The following PTPRN2 variants were observed in gnomAD, a reference collection of about 807,000 sequenced individuals.
PTPRN2 encodes the protein receptor-type tyrosine-protein phosphatase N2.
Under a neutral mutation model 118.8 loss-of-function variants are expected in PTPRN2, and 74 were observed. That is an observed-to-expected ratio of 0.62 (90% CI 0.52 to 0.76). The LOEUF is 0.76. Among genes scored for constraint, PTPRN2 ranks in the 30% least tolerant of loss-of-function variants. The pLI, the probability that PTPRN2 is intolerant of heterozygous loss-of-function variation, is 0.00. For missense variants in PTPRN2, 1,481 were observed against 1,394.4 expected (o/e 1.06, Z -0.99); for synonymous variants, 641 against 608.0 (o/e 1.05, Z -0.80).
intron 12 of PTPRN2, among the ~76,000 whole-genome samples, chr7:157,756,056 G>A (rs1255221551): frequency 6.6e-6 from 1 of 152,156 alleles, no homozygotes; most frequent in Non-Finnish European, 1.5e-5. Flanking sequence ...GGTAGGATTT[G>A]TACCACTGCA....
At chr7:157,912,184 C>T (rs1472142668) in intron 11 of PTPRN2, among the ~76,000 whole-genome samples, 1 of 152,196 alleles carries the variant, frequency 6.6e-6, no homozygotes, top group Non-Finnish European at 1.5e-5. Flanking sequence ...GCTCCGTGTG[C>T]TCATTGGTTT....
intron 10 of PTPRN2, among the ~76,000 whole-genome samples, chr7:158,089,569 CCT>C (rs1178564929): frequency 8.0e-6 from 1 of 125,724 alleles, no homozygotes; most frequent in African/African-American, 3.1e-5. Flanking sequence ...ACCTTCTTCC[CCT>C]GATGAAAGAG....
Position 158,175,969 on chromosome 7 carries a change from G to A in PTPRN2, c.550-8678C>T, listed in dbSNP as rs139764221. On this transcript the variant is annotated intron_variant, in intron 5 of 22. Transcript: ENST00000389418. ...GTGAGGCCAGTGCTGATCTCACCCC[G>A]CCCTGCTGAGACTCACGACATCGTG... Among the ~76,000 whole-genome samples, 625 of 149,054 alleles carry A rather than the reference G, an allele frequency of 4.2e-3. 4 individuals carry two copies. Among genetic ancestry groups the A allele is most frequent in the African/African-American group, 0.012 (493 of 40,538 alleles).
In PTPRN2 at chr7:157,861,358, G is replaced by A. The variant is rs548093044; in HGVS notation, c.1788+37315C>T. On this transcript the variant is annotated intron_variant, in intron 12 of 22. Coordinates refer to ENST00000389418, the MANE Select transcript of PTPRN2 (RefSeq NM_002847.5). This position sits in a 1 kb window ranked among gnomAD's most constrained non-coding sequence, Gnocchi z 5.8. ...CGGCTGGAGCTCGGCCAAGGAGCCC[G>A]GGTCCCTTCAGTCTGCGCTCCCTGC... 3.9e-5 allele frequency among the ~76,000 whole-genome samples: 6 copies of A among 152,374 alleles called. No individual in the cohort carries two copies. Among genetic ancestry groups the A allele is most frequent in the African/African-American group, 1.4e-4 (6 of 41,592 alleles).
intron 11 of PTPRN2, among the ~76,000 whole-genome samples, chr7:158,007,283 C>T (rs1805694782): frequency 6.6e-6 from 1 of 152,192 alleles, no homozygotes; most frequent in Non-Finnish European, 1.5e-5. Flanking sequence ...GGAGCTGCGG[C>T]AGTGCGGGGT....
chr7:158,102,765 T>C (rs1815338607), intron 10 of PTPRN2, among the ~76,000 whole-genome samples: 1 of 149,510 alleles, frequency 6.7e-6, no homozygotes, highest in Admixed American at 6.6e-5. Context: ...AGTGTGCACT[T>C]GCACACTTCT....
At chr7:157,679,072 A>G (rs75871621) in intron 13 of PTPRN2, among the ~76,000 whole-genome samples, 2,911 of 151,878 alleles carry the variant, frequency 0.019, 131 homozygotes, top group East Asian at 0.13. Flanking sequence ...CATTATCCTT[A>G]GTGTGTGTGT....
chr7:157,991,717 C>T (rs927109099), intron 11 of PTPRN2, among the ~76,000 whole-genome samples: 1 of 152,170 alleles, frequency 6.6e-6, no homozygotes, highest in Non-Finnish European at 1.5e-5. Context: ...CTCAGCAGAT[C>T]CCAGCAAGTG....
chr7:158,166,844 G>GCACCA, intron 6 of PTPRN2, 87 bp downstream of exon 6: 1 of 1,372,824 alleles, frequency 7.3e-7, no homozygotes, highest in Non-Finnish European at 9.5e-7. Flanking sequence ...GACCCCACGT[G>GCACCA]TGGGAAGAGC....
At chr7:157,756,413 G>C (rs1801784280) in intron 12 of PTPRN2, among the ~76,000 whole-genome samples, 1 of 151,790 alleles carries the variant, frequency 6.6e-6, no homozygotes, top group African/African-American at 2.4e-5. Flanking sequence ...TCCTGCCTCA[G>C]CCTCCCGAAG....
At chr7:158,390,573 A>G (rs35284598) in intron 2 of PTPRN2, among the ~76,000 whole-genome samples, 63,257 of 151,970 alleles carry the variant, frequency 0.42, 14,066 homozygotes, top group Non-Finnish European at 0.51. Flanking sequence ...AGGAGGGAAC[A>G]CAGGCATCTG....
intron 1 of PTPRN2, among the ~76,000 whole-genome samples, chr7:158,514,334 G>T (rs1444143291): frequency 6.6e-6 from 1 of 152,200 alleles, no homozygotes; most frequent in Admixed American, 6.5e-5. Flanking sequence ...GAGTGACGGA[G>T]AATGCACAGC....
At chr7:158,255,144 G>A (rs1045136954) in intron 3 of PTPRN2, among the ~76,000 whole-genome samples, 13 of 152,212 alleles carry the variant, frequency 8.5e-5, no homozygotes, top group Admixed American at 3.3e-4. Flanking sequence ...CAGGCTTCAC[G>A]ACGTGTGAGC....
At chr7:158,417,361 C>G (rs527727880) in intron 2 of PTPRN2, among the ~76,000 whole-genome samples, 6 of 150,136 alleles carry the variant, frequency 4.0e-5, no homozygotes, top group African/African-American at 1.2e-4. Context: ...GCTGTGCTGT[C>G]ATGGTGTACT....
At chr7:157,747,899 G>A (rs1261133795) in intron 12 of PTPRN2, among the ~76,000 whole-genome samples, 1 of 145,986 alleles carries the variant, frequency 6.8e-6, no homozygotes, top group Non-Finnish European at 1.5e-5. Context: ...TGATTCTGAG[G>A]CCTGCGTCCC....
chr7:157,576,456 G>A (rs1275167291), intron 19 of PTPRN2, among the ~76,000 whole-genome samples, 157 bp downstream of exon 19: 1 of 152,198 alleles, frequency 6.6e-6, no homozygotes, highest in Non-Finnish European at 1.5e-5. Context: ...TGCCGTTAAC[G>A]GAGTCTTCCC....
chr7:157,755,047 G>A (rs141383716), intron 12 of PTPRN2, among the ~76,000 whole-genome samples: 7 of 152,074 alleles, frequency 4.6e-5, no homozygotes, highest in African/African-American at 7.2e-5. Flanking sequence ...TGCCACGCCC[G>A]GCTAATTTTT....
At chr7:157,957,432 AG>A (rs1801254836) in intron 11 of PTPRN2, among the ~76,000 whole-genome samples, 1 of 152,260 alleles carries the variant, frequency 6.6e-6, no homozygotes, top group Non-Finnish European at 1.5e-5. Flanking sequence ...AAATGCGATC[AG>A]AGCATTATGG....
intron 2 of PTPRN2, among the ~76,000 whole-genome samples, chr7:158,424,183 G>T (rs1406046733): frequency 6.6e-6 from 1 of 152,174 alleles, no homozygotes; most frequent in Non-Finnish European, 1.5e-5. Flanking sequence ...ACAGGTGGAT[G>T]CAGAGAGGCC....
Sources: allele counts gnomAD v4.1 joint callset (sites outside exome capture counted in the v4.1 genomes callset), GRCh38; gene constraint gnomAD v4.1.1; non-coding constraint Gnocchi (gnomAD v3.1); transcripts MANE v1.5; gene names NCBI Gene and HGNC (gene_info 2026-07-23, HGNC 2026-07-21).